MYLK3: variants seen among roughly 807,000 people sequenced by gnomAD.
The protein encoded by MYLK3 is MLC kinase.
Under a neutral mutation model 76.3 loss-of-function variants are expected in MYLK3, and 55 were observed. The ratio of observed to expected loss-of-function variants is 0.72; its 90% confidence interval spans 0.58 to 0.90. The LOEUF (loss-of-function observed/expected upper bound fraction) is 0.90. Ranked by LOEUF, MYLK3 falls within the 40% of genes least tolerant of loss-of-function variation. The pLI is 0.00. For missense variants in MYLK3, 973 were observed against 1,053.6 expected (o/e 0.92, Z 1.06); for synonymous variants, 416 against 425.4 (o/e 0.98, Z 0.27).
chr16:46,747,860 C>G lies in MYLK3; in HGVS notation c.334G>C (p.Glu112Gln), dbSNP rs946842525. 2.5e-6 allele frequency: 4 copies of G among 1,614,136 alleles called. No individual in the cohort carries two copies. The Admixed American group carries it at 6.7e-5, about 27-fold the overall frequency. ...GCAGCCACCATCCTGAAGAGGGCCT[C>G]CAGCCTGGCACCGTGCTGGGCCGCA... ...QDAAQHGARL[E>Q]ALFRMVAAVD... The change falls in exon 1 of 13, where the codon GAG becomes CAG. Residue 112 changes from glutamate to glutamine, a missense_variant. Coordinates refer to ENST00000394809, the MANE Select transcript of MYLK3 (RefSeq NM_182493.3).
At chr16:46,727,201 AG>A in intron 8 of MYLK3, 34 bp downstream of exon 8, 1 of 1,603,274 alleles carries the variant, frequency 6.2e-7, no homozygotes, top group Non-Finnish European at 8.5e-7. Context: ...CTAGGACACC[AG>A]GGGCCCCTAC....
rs1050162856 is a variant in MYLK3, at chr16:46,732,729, C to G, written c.1002-61G>C. On this transcript the variant is annotated intron_variant, in intron 3 of 12. Transcript: ENST00000394809. ...GCAAGGACTCTGGAGTCAGAACAGA[C>G]GTGGGTTCCAATGCCCACTGCTGCC... 3 of 1,341,112 alleles carry G rather than the reference C, an allele frequency of 2.2e-6. No individual in the cohort carries two copies. The African/African-American group carries it at 4.4e-5, about 20-fold the overall frequency. 83.1% of individuals were successfully genotyped at this position (1,341,112 alleles called of 1,614,324 possible).
At chr16:46,714,629 T>C (rs987533915) in intron 9 of MYLK3, among the ~76,000 whole-genome samples, 20 of 152,224 alleles carry the variant, frequency 1.3e-4, no homozygotes, top group Admixed American at 6.5e-4. Context: ...TGCATTACTG[T>C]TCCCAGTGCC....
upstream of MYLK3, among the ~76,000 whole-genome samples, chr16:46,749,197 C>G (rs1967083759): frequency 6.6e-6 from 1 of 152,220 alleles, no homozygotes; most frequent in South Asian, 2.1e-4. Flanking sequence ...CTAAGGTTAC[C>G]CCCGAGGTGG....
Position 46,721,105 on chromosome 16 carries a change from T to C in MYLK3, c.1985+18A>G. On this transcript the variant is annotated intron_variant, in intron 9 of 12. Coordinates refer to ENST00000394809, the MANE Select transcript of MYLK3 (RefSeq NM_182493.3). Reference sequence around the variant, plus strand: ...TCCCAAGGAATTTTGTTAAGGTATCTAAATAAAACCCCCTTACCTTCTGGC... The same window carrying C: ...TCCCAAGGAATTTTGTTAAGGTATCCAAATAAAACCCCCTTACCTTCTGGC... 1 of 1,611,646 alleles carries C rather than the reference T, an allele frequency of 6.2e-7. No homozygotes were observed. The highest frequency in any genetic ancestry group is 8.5e-7 in the Non-Finnish European group (1 of 1,177,728).
chr16:46,725,999 T>A (rs549664995), intron 8 of MYLK3: 1 of 152,340 alleles, frequency 6.6e-6, no homozygotes, highest in East Asian at 1.9e-4. Flanking sequence ...TTGAGTTGAT[T>A]TTTGTATAAG....
chr16:46,715,762 T>C (rs1966730834), intron 9 of MYLK3, among the ~76,000 whole-genome samples: 1 of 152,172 alleles, frequency 6.6e-6, no homozygotes, highest in Admixed American at 6.5e-5. Flanking sequence ...ATTGTACAAA[T>C]ATGTGCCTCC....
chr16:46,751,130 G>A, upstream of MYLK3, among the ~76,000 whole-genome samples: 1 of 152,038 alleles, frequency 6.6e-6, no homozygotes, highest in African/African-American at 2.4e-5. Flanking sequence ...ATTATCTGAG[G>A]CCGGGCGTGG....
At chr16:46,709,696 A>G in intron 11 of MYLK3, 25 bp from the exon 12 acceptor site, 1 of 1,604,972 alleles carries the variant, frequency 6.2e-7, no homozygotes, top group Non-Finnish European at 8.5e-7. Context: ...AGCAGTTAAG[A>G]CTTTTAGTTG....
intron 1 of MYLK3, among the ~76,000 whole-genome samples, chr16:46,743,488 A>G (rs984332402): frequency 6.6e-6 from 1 of 152,190 alleles, no homozygotes; most frequent in Non-Finnish European, 1.5e-5. Context: ...CACGGAGGGA[A>G]GCAGAGGCTT....
chr16:46,710,248 C>T (rs1966669352), intron 11 of MYLK3, among the ~76,000 whole-genome samples: 1 of 152,088 alleles, frequency 6.6e-6, no homozygotes, highest in East Asian at 1.9e-4. Context: ...ATGGCTTGAC[C>T]CATGACTTTG....
intron 9 of MYLK3, among the ~76,000 whole-genome samples, chr16:46,719,244 T>C (rs956193668): frequency 6.6e-6 from 1 of 151,898 alleles, no homozygotes; most frequent in African/African-American, 2.4e-5. Flanking sequence ...GGAGAATTGC[T>C]TGAATCCAGG....
Position 46,712,705 on chromosome 16 carries a change from TA to T in MYLK3, c.2056del (p.Tyr686MetfsTer28). 6.3e-7 allele frequency: 1 copy of T among 1,597,632 alleles called. No individual in the cohort carries two copies. Among genetic ancestry groups the T allele is most frequent in the Non-Finnish European group, 8.5e-7 (1 of 1,171,826 alleles). On this transcript the variant is annotated frameshift_variant, in exon 10 of 13. Coordinates refer to ENST00000394809, the MANE Select transcript of MYLK3 (RefSeq NM_182493.3). LOFTEE classifies it high-confidence loss of function. ...PEFLAPEVVN[Y>X]EFVSFPTDMW... The stretch of plus-strand genomic sequence containing the variant: ...GTCTGTGGGGAATGAGACAAACTCA[TA>T]ATTGACGACTTCTGGGGCCAGGAAC...
intron 4 of MYLK3, among the ~76,000 whole-genome samples, chr16:46,731,243 G>T (rs1426065462): frequency 6.6e-6 from 1 of 152,256 alleles, no homozygotes. Context: ...CGGGGCACAG[G>T]ATTGGGGAGG....
At position 46,732,505 on chromosome 16, in the gene MYLK3, G is replaced by A. The variant is rs748943202; in HGVS notation, c.1165C>T (p.Pro389Ser). 2 of 1,606,756 alleles carry A rather than the reference G, an allele frequency of 1.2e-6. No homozygotes were observed. Among genetic ancestry groups the A allele is most frequent in the African/African-American group, 1.3e-5 (1 of 74,928 alleles). ...GCTCCTTCAGGGGTCTGTTCTCCGG[G>A]CTCAGTCCCAGGGGCTTGGAGGCAG... Reference protein sequence around the residue: ...GRCLQAPGTEPGEQTPEGARE... With the variant: ...GRCLQAPGTESGEQTPEGARE... Residue 389 changes from proline to serine, a missense_variant, in exon 4 of 13, where the codon CCC becomes TCC. Pro to Ser is a moderately conservative substitution (Grantham distance 74). Around this residue, in one of 2 missense-constraint regions of MYLK3, gnomAD observed 641 missense variants for 637.0 expected, o/e 1.01. Coordinates refer to ENST00000394809, the MANE Select transcript of MYLK3 (RefSeq NM_182493.3).
chr16:46,711,013 A>C, intron 10 of MYLK3: 1 of 562,378 alleles, frequency 1.8e-6, no homozygotes. Context: ...TTTTGGAATA[A>C]GTCCCCTCTT....
intron 3 of MYLK3, among the ~76,000 whole-genome samples, chr16:46,737,321 C>T (rs544909274): frequency 2.2e-4 from 33 of 152,316 alleles, no homozygotes; most frequent in African/African-American, 7.7e-4. Context: ...CAGCCAATGG[C>T]CAGCTCAGGG....
intron 5 of MYLK3, chr16:46,729,966 C>A (rs1433561483): frequency 5.5e-6 from 3 of 546,394 alleles, no homozygotes; most frequent in African/African-American, 1.9e-5. Context: ...CCCTTCACCC[C>A]ACACCACCCA....
chr16:46,724,507 A>T (rs896624933), intron 8 of MYLK3, among the ~76,000 whole-genome samples: 2 of 152,138 alleles, frequency 1.3e-5, no homozygotes, highest in African/African-American at 4.8e-5. Flanking sequence ...TCGTTCTTTC[A>T]CATGTAGCTC....
Sources: gnomAD v4.1 joint callset for allele counts (sites outside exome capture counted in the v4.1 genomes callset) on GRCh38, gnomAD v4.1.1 for gene constraint, gnomAD v4.1.1 regional missense constraint, MANE v1.5 for transcripts, NCBI Gene and HGNC (gene_info 2026-07-23, HGNC 2026-07-21) for gene names.